CREBBP: variants seen among roughly 807,000 people sequenced by gnomAD.
The protein encoded by CREBBP is CREB-binding protein.
A neutral mutation model predicts 265.0 loss-of-function variants in CREBBP; 19 were observed. That is an observed-to-expected ratio of 0.07 (90% CI 0.05 to 0.11). CREBBP has a LOEUF of 0.11. CREBBP is among the 10% of genes least tolerant of loss of function. The probability of loss-of-function intolerance (pLI) is 1.00; values close to 1 mark genes in which losing one functional copy is unlikely to be tolerated. For synonymous variants in CREBBP, 1,457 were observed against 1,223.7 expected, an observed-to-expected ratio of 1.19 and a Z score of -3.98; for missense variants, 2,525 against 3,219.0, an observed-to-expected ratio of 0.78 and a Z score of 5.22.
chr16:3,740,388 G>A lies in CREBBP; in HGVS notation c.4133+11C>T, dbSNP rs2151339758. The stretch of plus-strand genomic sequence containing the variant: ...TGCTCGCAGAGCACTGTAGAGAGCA[G>A]GCACACTGACCGTGACTTCATCCCG... On this transcript the variant is annotated intron_variant, in intron 24 of 30. Coordinates refer to ENST00000262367, the MANE Select transcript of CREBBP (RefSeq NM_004380.3). 1 of 1,614,152 alleles carries A rather than the reference G, an allele frequency of 6.2e-7. No homozygotes were observed. Among genetic ancestry groups the A allele is most frequent in the Middle Eastern group, 1.7e-4 (1 of 6,026 alleles).
At chr16:3,873,987 G>A (rs1464765590) in intron 1 of CREBBP, among the ~76,000 whole-genome samples, 1 of 152,178 alleles carries the variant, frequency 6.6e-6, no homozygotes, top group Non-Finnish European at 1.5e-5. Context: ...TGGGAAGAGG[G>A]CCGTGGAAAG....
rs199757066 is a variant in CREBBP at position 3,769,254 on chromosome 16, C to G, written c.2980G>C (p.Val994Leu). Reference sequence around the variant, plus strand: ...TGGGTCTCCGTCTTCATTTCCAGCACAGGTACGTCAGGTCCTGGCTGCTGG... The same window carrying G: ...TGGGTCTCCGTCTTCATTTCCAGCAGAGGTACGTCAGGTCCTGGCTGCTGG... ...NSQQPGPDVP[V>L]LEMKTETQAE... Residue 994 changes from valine (V) to leucine (L), a missense_variant, in exon 15 of 31, where the codon GTG becomes CTG. By Grantham distance (32) the Val-to-Leu change is conservative. Coordinates refer to ENST00000262367, the MANE Select transcript of CREBBP (RefSeq NM_004380.3). 6.2e-7 allele frequency: 1 copy of G among 1,614,192 alleles called. No homozygotes were observed. Among genetic ancestry groups the G allele is most frequent in the Non-Finnish European group, 8.5e-7 (1 of 1,180,040 alleles).
intron 1 of CREBBP, among the ~76,000 whole-genome samples, chr16:3,859,450 T>C (rs1363979370): frequency 6.6e-6 from 1 of 152,190 alleles, no homozygotes; most frequent in Non-Finnish European, 1.5e-5. Flanking sequence ...CGCCTCGGCC[T>C]CACAAATTGC....
intron 1 of CREBBP, 42 bp from the exon 2 acceptor site, chr16:3,851,051 T>C (rs751107189): frequency 1.3e-6 from 2 of 1,542,988 alleles, no homozygotes; most frequent in Non-Finnish European, 8.9e-7. Context: ...CTAAGCAACC[T>C]TTACAGCTCT....
In CREBBP at chr16:3,793,551, G is replaced by A; in HGVS notation, c.1051C>T (p.Arg351Cys). The change falls in exon 4 of 31, where the codon CGC (arginine) becomes TGC (cysteine). Residue 351 changes from arginine (R) to cysteine (C), a missense_variant. This residue lies in a region of CREBBP where 126 missense variants were observed against 171.9 expected (regional missense o/e 0.73). Transcript: ENST00000262367. ...ATGPTADPEK[R>C]KLIQQQLVLL... ...ACCAGCTGCTGCTGTATCAGTTTGC[G>A]TTTTTCAGGATCTGCAGTGGGGCCT... 6.2e-7 allele frequency: 1 copy of A among 1,614,152 alleles called. No homozygotes were observed. The highest frequency in any genetic ancestry group is 8.5e-7 in the Non-Finnish European group (1 of 1,180,040).
rs756570921 is a variant in CREBBP, at chr16:3,773,814, C to T, written c.2400G>A (p.Pro800=). ...QSQFLPQNQF[P]SSSGAMSVGM... ...CCACACTCATCGCCCCGCTGGATGACGGGAACTGGTTCTGTGGCAGAAACT... is the reference window on the plus strand; with the variant it reads ...CCACACTCATCGCCCCGCTGGATGATGGGAACTGGTTCTGTGGCAGAAACT... The change falls in exon 13 of 31, where the codon CCG becomes CCA. Residue 800 remains proline (P), a synonymous_variant. Coordinates refer to ENST00000262367, the MANE Select transcript of CREBBP (RefSeq NM_004380.3). The T allele has an allele frequency of 6.0e-5, 96 of 1,613,102 alleles. No individual in the cohort carries two copies. Among genetic ancestry groups the T allele is most frequent in the Non-Finnish European group, 7.3e-5 (86 of 1,180,032 alleles).
At position 3,727,997 on chromosome 16, in the gene CREBBP, C is replaced by A. The variant is rs1417985570; in HGVS notation, c.7050G>T (p.Gln2350His). 1 of 1,609,264 alleles carries A rather than the reference C, an allele frequency of 6.2e-7. No individual in the cohort carries two copies. The highest frequency in any genetic ancestry group is 1.7e-4 in the Middle Eastern group (1 of 6,048). The change falls in exon 31 of 31, where the codon CAG (glutamine) becomes CAT (histidine). Residue 2350 changes from glutamine to histidine, a missense_variant. By Grantham distance (24) the Gln-to-His change is conservative. Around this residue, in one of 19 missense-constraint regions of CREBBP, gnomAD observed 473 missense variants for 459.3 expected, o/e 1.03. Coordinates refer to ENST00000262367, the MANE Select transcript of CREBBP (RefSeq NM_004380.3). Reference sequence around the variant, plus strand: ...GAGGCTGGGACTGGGGCCGTGGAGACTGGACAGGGGCTGGAGACCGCACCT... The same window carrying A: ...GAGGCTGGGACTGGGGCCGTGGAGAATGGACAGGGGCTGGAGACCGCACCT... ...SNQVRSPAPVQSPRPQSQPPH... is the reference protein window; with the variant it reads ...SNQVRSPAPVHSPRPQSQPPH...
In CREBBP at chr16:3,728,807, A is replaced by G; in HGVS notation, c.6240T>C (p.Pro2080=). The G allele has an allele frequency of 4.3e-6, 7 of 1,613,586 alleles. No individual in the cohort carries two copies. Among genetic ancestry groups the G allele is most frequent in the Non-Finnish European group, 5.9e-6 (7 of 1,179,962 alleles). The change falls in exon 31 of 31, where the codon CCT becomes CCC. Residue 2080 remains proline (P), a synonymous_variant. Coordinates refer to ENST00000262367, the MANE Select transcript of CREBBP (RefSeq NM_004380.3). This position sits in a 1 kb window ranked among gnomAD's most constrained non-coding sequence, Gnocchi z 8.7. ...TGTTCAGCACCTGCTGTTGCTGCTG[A>G]GGGGAGCTGGGCGACTTCAGGGTCC... ...LLRTLKSPSS[P]QQQQQVLNIL...
At chr16:3,752,980 C>G (rs1318067650) in intron 19 of CREBBP, among the ~76,000 whole-genome samples, 1 of 152,070 alleles carries the variant, frequency 6.6e-6, no homozygotes, top group Non-Finnish European at 1.5e-5. Context: ...ACAAGAATAC[C>G]GTAAGAATAA....
At chr16:3,811,639 G>A (rs1043962430) in intron 2 of CREBBP, among the ~76,000 whole-genome samples, 6 of 151,998 alleles carry the variant, frequency 3.9e-5, no homozygotes, top group African/African-American at 9.7e-5. Flanking sequence ...CTACAGGCAC[G>A]TGCCACCAGG....
Position 3,767,711 on chromosome 16 carries a change from A to G in CREBBP, c.3250+9T>C. 2 of 1,614,256 alleles carry G rather than the reference A, an allele frequency of 1.2e-6. No homozygotes were observed. The highest frequency in any genetic ancestry group is 1.7e-6 in the Non-Finnish European group (2 of 1,180,044). On this transcript the variant is annotated intron_variant, in intron 16 of 30. Transcript: ENST00000262367. ...CATGCTTTAATAAGGTAATGAATAA[A>G]TGGCCTACTTTTTTTGCGCGGCTGC...
At chr16:3,825,442 G>C (rs547519000) in intron 2 of CREBBP, among the ~76,000 whole-genome samples, 1 of 152,282 alleles carries the variant, frequency 6.6e-6, no homozygotes, top group South Asian at 2.1e-4. Flanking sequence ...ATCTATGGAA[G>C]TATGGCCTTG....
intron 13 of CREBBP, among the ~76,000 whole-genome samples, chr16:3,772,915 C>CAAAAAAAAAAAAAAAA (rs144154476): frequency 1.1e-5 from 1 of 88,808 alleles, no homozygotes; most frequent in African/African-American, 4.3e-5. Context: ...ACTAAAAATA[C>CAAAAAAAAAAAAAAAA]AAAAAAAAAA....
intron 1 of CREBBP, among the ~76,000 whole-genome samples, chr16:3,860,946 T>G (rs2055060066): frequency 6.6e-6 from 1 of 152,052 alleles, no homozygotes; most frequent in Admixed American, 6.6e-5. Context: ...TCACCACAGC[T>G]ACTGCCTCCC....
chr16:3,816,485 A>C (rs562142459), intron 2 of CREBBP, among the ~76,000 whole-genome samples: 81 of 152,290 alleles, frequency 5.3e-4, no homozygotes, highest in African/African-American at 1.9e-3. Flanking sequence ...TCAGCTCAAA[A>C]CCCAAGAACA....
intron 2 of CREBBP, among the ~76,000 whole-genome samples, chr16:3,812,703 T>G (rs1185668087): frequency 6.6e-6 from 1 of 152,080 alleles, no homozygotes; most frequent in African/African-American, 2.4e-5. Flanking sequence ...AATATCCCAG[T>G]GCTTATCTTT....
intron 2 of CREBBP, among the ~76,000 whole-genome samples, chr16:3,824,173 G>C (rs1333096714): frequency 6.6e-6 from 1 of 152,264 alleles, no homozygotes; most frequent in Non-Finnish European, 1.5e-5. Context: ...TCAAAAGGGA[G>C]AGGGGTCCTG....
intron 1 of CREBBP, among the ~76,000 whole-genome samples, chr16:3,872,710 G>C (rs984348140): frequency 1.3e-5 from 2 of 152,254 alleles, no homozygotes; most frequent in African/African-American, 4.8e-5. Flanking sequence ...GGGACAACCA[G>C]AAGAGGACTC....
chr16:3,760,143 G>A (rs1019437331), intron 16 of CREBBP, among the ~76,000 whole-genome samples: 5 of 151,880 alleles, frequency 3.3e-5, no homozygotes, highest in African/African-American at 7.3e-5. Flanking sequence ...CCAGGTTGGG[G>A]GACAATGGCA....
Sources: gnomAD v4.1 joint callset for allele counts (sites outside exome capture counted in the v4.1 genomes callset) on GRCh38, gnomAD v4.1.1 for gene constraint, gnomAD v4.1.1 regional missense constraint, Gnocchi (gnomAD v3.1) non-coding constraint, MANE v1.5 for transcripts, NCBI Gene and HGNC (gene_info 2026-07-23, HGNC 2026-07-21) for gene names.